Variants in TBC1D16 observed in about 807,000 individuals in gnomAD.
TBC1D16 encodes the protein TBC1 domain family member 16, also known as CTD-2529O21.1.
TBC1D16 carries 58 observed loss-of-function variants against 74.7 expected under a neutral mutation model. The ratio of observed to expected loss-of-function variants is 0.78; its 90% CI spans 0.63 to 0.97. The LOEUF (loss-of-function observed/expected upper bound fraction) is 0.97, where lower values mean the gene tolerates loss of function less well. TBC1D16 is among the 50% of genes least tolerant of loss of function. The pLI is 0.00. For missense variants in TBC1D16, 1,014 were observed against 1,079.5 expected (o/e 0.94, Z 0.85); for synonymous variants, 493 against 474.7 (o/e 1.04, Z -0.50).
In TBC1D16 at chr17:79,988,676, C is replaced by T. The variant is rs2034942018; in HGVS notation, c.779+21484G>A. The stretch of plus-strand genomic sequence containing the variant: ...AAAATTAACATTAAGGGCAAAAAGA[C>T]TTTTTCTGGAGGGTCCTATGCACCA... On this transcript the variant is annotated intron_variant, in intron 3 of 11. Coordinates refer to ENST00000310924, the MANE Select transcript of TBC1D16 (RefSeq NM_019020.4). The surrounding 1 kb of genome is among the most constrained non-coding windows in gnomAD (Gnocchi z 5.7). Among the ~76,000 whole-genome samples, 1 of 152,242 alleles carries T rather than the reference C, an allele frequency of 6.6e-6. No homozygotes were observed. The highest frequency in any genetic ancestry group is 1.5e-5 in the Non-Finnish European group (1 of 68,034).
chr17:79,976,523 C>T (rs893174823), intron 3 of TBC1D16, among the ~76,000 whole-genome samples: 2 of 152,176 alleles, frequency 1.3e-5, no homozygotes, highest in African/African-American at 4.8e-5. Flanking sequence ...GCGGTGTGCC[C>T]ACATCCTTCC....
At chr17:79,972,682 G>A (rs189782661) in intron 3 of TBC1D16, among the ~76,000 whole-genome samples, 1 of 152,188 alleles carries the variant, frequency 6.6e-6, no homozygotes, top group African/African-American at 2.4e-5. Context: ...TGTTTAACGG[G>A]AACAGAGTTT....
At position 79,986,765 on chromosome 17, in the gene TBC1D16, T is replaced by G. The variant is rs2034853433; in HGVS notation, c.779+23395A>C. Among the ~76,000 whole-genome samples, 1 of 152,026 alleles carries G rather than the reference T, an allele frequency of 6.6e-6. No individual in the cohort carries two copies. ...AAGGAAGGCTCTACACACCCGGCCC[T>G]CCTCAGAGCCTCAGCCCGCAGCGGG... On this transcript the variant is annotated intron_variant, in intron 3 of 11. Transcript: ENST00000310924. This position sits in a 1 kb window ranked among gnomAD's most constrained non-coding sequence, Gnocchi z 6.0.
At position 79,961,725 on chromosome 17, in the gene TBC1D16, T is replaced by C. The variant is rs1654338904; in HGVS notation, c.780-8907A>G. Among the ~76,000 whole-genome samples, 1 of 151,984 alleles carries C rather than the reference T, an allele frequency of 6.6e-6. No individual in the cohort carries two copies. On this transcript the variant is annotated intron_variant, in intron 3 of 11. Transcript: ENST00000310924. This position sits in a 1 kb window ranked among gnomAD's most constrained non-coding sequence, Gnocchi z 4.8. ...AAAAATACAAAAAATCAGCCAGACG[T>C]GGTGGCGGGCGCCTATAATCCCAGC...
In TBC1D16 at chr17:79,938,523, C is replaced by A. The variant is rs115668143; in HGVS notation, c.*2336G>T. On this transcript the variant is annotated 3_prime_UTR_variant, in exon 12 of 12. Transcript: ENST00000310924. ...TCCTCTTCCTCCCTCCCAAACACAG[C>A]GGTTCAAAGGCACGAGGTATCTAGT... 1 of 152,256 alleles carries A rather than the reference C, an allele frequency of 6.6e-6. No homozygotes were observed. The highest frequency in any genetic ancestry group is 1.5e-5 in the Non-Finnish European group (1 of 68,104). 9.4% of individuals were successfully genotyped at this position (152,256 alleles called of 1,614,324 possible).
chr17:79,942,218 G>T lies in TBC1D16; in HGVS notation c.1909-12C>A, dbSNP rs1238708600. The T allele has an allele frequency of 6.3e-7, 1 of 1,581,022 alleles. No individual in the cohort carries two copies. Among genetic ancestry groups the T allele is most frequent in the East Asian group, 2.3e-5 (1 of 43,090 alleles). On this transcript the variant is annotated splice_polypyrimidine_tract_variant and intron_variant, in intron 10 of 11. Transcript: ENST00000310924. Reference sequence around the variant, plus strand: ...TGGAAGTAGTCCGTCTGTGGAGGCGGGTAGAGTTCAGACACGGGCTCTGAC... The same window carrying T: ...TGGAAGTAGTCCGTCTGTGGAGGCGTGTAGAGTTCAGACACGGGCTCTGAC...
rs1025613949 is a variant in TBC1D16 at position 79,993,899 on chromosome 17, G to A, written c.779+16261C>T. On this transcript the variant is annotated intron_variant, in intron 3 of 11. Transcript: ENST00000310924. The surrounding 1 kb of genome is among the most constrained non-coding windows in gnomAD (Gnocchi z 5.1). ...AGCCCCCAGCCCCCATGCAACCACC[G>A]GCCGGGGTTGCGTCAAGGCCTCCCG... Among the ~76,000 whole-genome samples the A allele has an allele frequency of 7.9e-5, 12 of 152,072 alleles. No individual in the cohort carries two copies. The highest frequency in any genetic ancestry group is 1.5e-4 in the Non-Finnish European group (10 of 67,986).
rs1324794383 is a variant in TBC1D16, at chr17:79,942,198, G to A, written c.1917C>T (p.Tyr639=). 6.2e-7 allele frequency: 1 copy of A among 1,600,606 alleles called. No homozygotes were observed. Among genetic ancestry groups the A allele is most frequent in the South Asian group, 1.1e-5 (1 of 88,932 alleles). ...EACWAHYQTD[Y]FHLFICVAIV... is the part of the protein sequence containing the mutation. ...TGGCCACGCAGATGAAAAGGTGGAAGTAGTCCGTCTGTGGAGGCGGGTAGA... is the reference window on the plus strand; with the variant it reads ...TGGCCACGCAGATGAAAAGGTGGAAATAGTCCGTCTGTGGAGGCGGGTAGA... Residue 639 remains tyrosine (Y), a synonymous_variant, in exon 11 of 12, where the codon TAC becomes TAT. Coordinates refer to ENST00000310924, the MANE Select transcript of TBC1D16 (RefSeq NM_019020.4).
At position 80,035,756 on chromosome 17, in the gene TBC1D16, ACCCCGCCCCCGCGGCCCCGTCCGGG is replaced by A. The variant is rs2036981441; in HGVS notation, c.-63+14_-63+38del. 6.9e-6 allele frequency: 1 copy of A among 144,686 alleles called. No individual in the cohort carries two copies. The highest frequency in any genetic ancestry group is 6.8e-5 in the Admixed American group (1 of 14,694). 9.0% of individuals were successfully genotyped at this position (144,686 alleles called of 1,614,324 possible). ...GCTCGCTGCGCGGTGGACCCCTCGG[ACCCCGCCCCCGCGGCCCCGTCCGGG>A]CCCCGATACCCACCCGGGTCCCGCT... On this transcript the variant is annotated intron_variant, in intron 1 of 11. Coordinates refer to ENST00000310924, the MANE Select transcript of TBC1D16 (RefSeq NM_019020.4). This position sits in a 1 kb window ranked among gnomAD's most constrained non-coding sequence, Gnocchi z 5.3.
rs190690312 is a variant in TBC1D16 at position 80,022,172 on chromosome 17, A to G, written c.-62-8563T>C. On this transcript the variant is annotated intron_variant, in intron 1 of 11. Transcript: ENST00000310924. ...GTTTCAAAAGCCTAATTCAAAGCAT[A>G]TATTTACCTGAAAGGGACTCACATG... Among the ~76,000 whole-genome samples the G allele has an allele frequency of 3.1e-4, 47 of 149,890 alleles. 1 individual carries two copies. Among genetic ancestry groups the G allele is most frequent in the Admixed American group, 1.8e-3 (27 of 15,250 alleles).
chr17:80,007,475 A>G lies in TBC1D16; in HGVS notation c.779+2685T>C, dbSNP rs2035720431. Among the ~76,000 whole-genome samples the G allele has an allele frequency of 6.6e-6, 1 of 152,164 alleles. No homozygotes were observed. The highest frequency in any genetic ancestry group is 2.4e-5 in the African/African-American group (1 of 41,434). On this transcript the variant is annotated intron_variant, in intron 3 of 11. Transcript: ENST00000310924. The surrounding 1 kb of genome is among the most constrained non-coding windows in gnomAD (Gnocchi z 4.5). ...CTGGAAACAGATCTGTCGGACCCCA[A>G]AATTTACTCCTTCACCACCATCTGC... is the stretch of plus-strand genomic sequence containing the variant.
At chr17:79,960,970 C>G (rs1037820951) in intron 3 of TBC1D16, among the ~76,000 whole-genome samples, 3 of 151,928 alleles carry the variant, frequency 2.0e-5, no homozygotes, top group African/African-American at 7.3e-5. Context: ...AGCAATGCCC[C>G]CTAGGTATTT....
intron 1 of TBC1D16, among the ~76,000 whole-genome samples, chr17:80,024,645 C>T (rs1209365025): frequency 1.4e-5 from 2 of 139,540 alleles, no homozygotes; most frequent in Admixed American, 1.5e-4. Context: ...ACCACACACA[C>T]CATAGACATA....
intron 1 of TBC1D16, among the ~76,000 whole-genome samples, chr17:80,019,370 G>A (rs746480229): frequency 6.7e-6 from 1 of 149,344 alleles, no homozygotes; most frequent in Non-Finnish European, 1.5e-5. Flanking sequence ...ACCCTGCAGC[G>A]TGAGACCTTC....
intron 2 of TBC1D16, among the ~76,000 whole-genome samples, chr17:80,012,164 A>T (rs2035920001): frequency 6.6e-6 from 1 of 152,204 alleles, no homozygotes; most frequent in African/African-American, 2.4e-5. Context: ...CCTGTTGCCA[A>T]AACAGGCTGG....
intron 3 of TBC1D16, among the ~76,000 whole-genome samples, chr17:80,002,611 G>A (rs1254546465): frequency 6.6e-6 from 1 of 152,210 alleles, no homozygotes; most frequent in Non-Finnish European, 1.5e-5. Flanking sequence ...GGCCTGTCCT[G>A]CTGGGAGGGT....
chr17:80,016,038 T>C (rs8081350), intron 1 of TBC1D16, among the ~76,000 whole-genome samples: 91,134 of 144,618 alleles, frequency 0.63, 29,410 homozygotes, highest in African/African-American at 0.71. Flanking sequence ...AAAGAATTAG[T>C]AACTGGGAGT....
chr17:79,950,400 C>T lies in TBC1D16; in HGVS notation c.1257+11G>A, dbSNP rs1240760055. 7 of 1,601,100 alleles carry T rather than the reference C, an allele frequency of 4.4e-6. No individual in the cohort carries two copies. The highest frequency in any genetic ancestry group is 6.0e-6 in the Non-Finnish European group (7 of 1,174,618). On this transcript the variant is annotated intron_variant, in intron 6 of 11. Coordinates refer to ENST00000310924, the MANE Select transcript of TBC1D16 (RefSeq NM_019020.4). This position sits in a 1 kb window ranked among gnomAD's most constrained non-coding sequence, Gnocchi z 4.6. Reference sequence around the variant, plus strand: ...TCTCCGCGGGGCCAGCTGGGCGGACCCGGACCTCACCTTCCGCAGCTTGTA... The same window carrying T: ...TCTCCGCGGGGCCAGCTGGGCGGACTCGGACCTCACCTTCCGCAGCTTGTA...
At position 79,937,031 on chromosome 17, in the gene TBC1D16, C is replaced by T. The variant is rs2143276517; in HGVS notation, c.*3828G>A. 1 of 152,096 alleles carries T rather than the reference C, an allele frequency of 6.6e-6. No homozygotes were observed. The highest frequency in any genetic ancestry group is 6.5e-5 in the Admixed American group (1 of 15,292). The allele number at this position is 152,096 out of a possible 1,614,324, so 9.4% of individuals were successfully genotyped here. Reference sequence around the variant, plus strand: ...AGCATACAGGGAGGTGCTTCCTTCCCTCTGCCCAGCGAGCAAAGGGTGGAG... The same window carrying T: ...AGCATACAGGGAGGTGCTTCCTTCCTTCTGCCCAGCGAGCAAAGGGTGGAG... On this transcript the variant is annotated 3_prime_UTR_variant, in exon 12 of 12. Transcript: ENST00000310924.
Sources: gnomAD v4.1 joint callset for allele counts (sites outside exome capture counted in the v4.1 genomes callset) on GRCh38, gnomAD v4.1.1 for gene constraint, Gnocchi (gnomAD v3.1) non-coding constraint, MANE v1.5 for transcripts, NCBI Gene and HGNC (gene_info 2026-07-23, HGNC 2026-07-21) for gene names.